RAX2: variants seen among roughly 807,000 people sequenced by gnomAD.
RAX2 encodes retina and anterior neural fold homeobox 2.
A neutral mutation model predicts 5.8 loss-of-function variants in RAX2; 4 were observed. The observed-to-expected ratio is 0.69, with a 90% CI of 0.34 to 1.58. The LOEUF is 1.58. RAX2 is among the 40% of genes most tolerant of loss of function. The pLI, the probability that RAX2 is intolerant of heterozygous loss-of-function variation, is 0.05. For missense variants in RAX2, 275 were observed against 271.4 expected (o/e 1.01, Z -0.09); for synonymous variants, 133 against 128.8 (o/e 1.03, Z -0.22).
chr19:3,770,763 G>GGGCCCA lies in RAX2; in HGVS notation c.407_412dup (p.Leu136_Gly137dup). 2 of 1,528,942 alleles carry GGGCCCA rather than the reference G, an allele frequency of 1.3e-6. No homozygotes were observed. Among genetic ancestry groups the GGGCCCA allele is most frequent in the Non-Finnish European group, 1.7e-6 (2 of 1,143,716 alleles). The allele number at this position is 1,528,942 out of a possible 1,614,324, so 94.7% of individuals were successfully genotyped here. On this transcript the variant is annotated inframe_insertion, in exon 3 of 3. Transcript: ENST00000555633. ...GAAGGACGCTTGCAGCCCCGGGCCC[G>GGGCCCA]GGCCCAGGAGGCGGGGGAGGCCTGG...
Position 3,771,457 on chromosome 19 carries a change from G to C in RAX2, c.216+70C>G. 1.6e-6 allele frequency: 2 copies of C among 1,265,850 alleles called. No homozygotes were observed. Among genetic ancestry groups the C allele is most frequent in the East Asian group, 2.5e-5 (1 of 39,662 alleles). The allele number at this position is 1,265,850 out of a possible 1,614,324, so 78.4% of individuals were successfully genotyped here. ...AGCTTCTCTTCTGCTGTTGCTCCGG[G>C]AGGGTCAGGATCTTGCTTTGCCTCC... On this transcript the variant is annotated intron_variant, in intron 2 of 2. Transcript: ENST00000555633. This position sits in a 1 kb window ranked among gnomAD's most constrained non-coding sequence, Gnocchi z 4.2.
At position 3,771,794 on chromosome 19, in the gene RAX2, G is replaced by T. The variant is rs755985251; in HGVS notation, c.-52C>A. The T allele has an allele frequency of 1.3e-6, 2 of 1,526,064 alleles. No individual in the cohort carries two copies. Among genetic ancestry groups the T allele is most frequent in the Non-Finnish European group, 1.8e-6 (2 of 1,137,896 alleles). The allele number at this position is 1,526,064 out of a possible 1,614,324, so 94.5% of individuals were successfully genotyped here. A position where few individuals can be genotyped will look rare whatever the true frequency, so the allele number is the denominator to read the frequency against. On this transcript the variant is annotated 5_prime_UTR_variant, in exon 2 of 3. Coordinates refer to ENST00000555633, the MANE Select transcript of RAX2 (RefSeq NM_001319074.4). The surrounding 1 kb of genome is among the most constrained non-coding windows in gnomAD (Gnocchi z 4.2). The stretch of plus-strand genomic sequence containing the variant: ...GGACAGATGGTGGGGAGACGGCTGG[G>T]GGGGCTACCGGCAGGGACAGGGCAG...
rs2037271944 is a variant in RAX2 at position 3,772,039 on chromosome 19, G to T, written c.-268-29C>A. 3.4e-5 allele frequency: 17 copies of T among 503,682 alleles called. No homozygotes were observed. In the South Asian group the frequency reaches 3.4e-4, roughly 10 times the overall value. 31.2% of individuals were successfully genotyped at this position (503,682 alleles called of 1,614,324 possible). ...TGTGTGTGTGTGTCGGCGGGGGGGG[G>T]TCAAGGATGCCCCCCCGTCAAGGAA... On this transcript the variant is annotated intron_variant, in intron 1 of 2. Coordinates refer to ENST00000555633, the MANE Select transcript of RAX2 (RefSeq NM_001319074.4).
At position 3,770,452 on chromosome 19, in the gene RAX2, C is replaced by T. The variant is rs897149979; in HGVS notation, c.*169G>A. 18 of 599,914 alleles carry T rather than the reference C, an allele frequency of 3.0e-5. No homozygotes were observed. Among genetic ancestry groups the T allele is most frequent in the Admixed American group, 9.8e-5 (3 of 30,748 alleles). 37.2% of individuals were successfully genotyped at this position (599,914 alleles called of 1,614,324 possible). On this transcript the variant is annotated 3_prime_UTR_variant, in exon 3 of 3. Coordinates refer to ENST00000555633, the MANE Select transcript of RAX2 (RefSeq NM_001319074.4). ...GATGGGGTGGGAGACGGGATGGGGG[C>T]AGGGAACCCAGCAGCCTGTCTCTCT...
In RAX2 at chr19:3,770,587, T is replaced by TGGGCCGAGGAGGG; in HGVS notation, c.*21_*33dup. The TGGGCCGAGGAGGG allele has an allele frequency of 6.6e-7, 1 of 1,520,104 alleles. No homozygotes were observed. The allele number at this position is 1,520,104 out of a possible 1,614,324, so 94.2% of individuals were successfully genotyped here. A position where few individuals can be genotyped will look rare whatever the true frequency, so the allele number is the denominator to read the frequency against. On this transcript the variant is annotated 3_prime_UTR_variant, in exon 3 of 3. Coordinates refer to ENST00000555633, the MANE Select transcript of RAX2 (RefSeq NM_001319074.4). ...CAGGGCACGTCCCCGGTTCTCGGGT[T>TGGGCCGAGGAGGG]GGGCCGAGGAGGGGGCCCGGGAGGG...
In RAX2 at chr19:3,770,924, G is replaced by T. The variant is rs2037250863; in HGVS notation, c.252C>A (p.Arg84=). Residue 84 remains arginine (R), a synonymous_variant, in exon 3 of 3, where the codon CGC becomes CGA. Coordinates refer to ENST00000555633, the MANE Select transcript of RAX2 (RefSeq NM_001319074.4). Reference sequence around the variant, plus strand: ...CCGAGCCTGACTCCAGCCGCTCCTGGCGGCGCCACTTGGCCCGGCGGTTCT... The same window carrying T: ...CCGAGCCTGACTCCAGCCGCTCCTGTCGGCGCCACTTGGCCCGGCGGTTCT... ...WFQNRRAKWR[R]QERLESGSGA... 8 of 1,560,918 alleles carry T rather than the reference G, an allele frequency of 5.1e-6. No homozygotes were observed. The highest frequency in any genetic ancestry group is 6.9e-6 in the Non-Finnish European group (8 of 1,160,804).
At position 3,770,318 on chromosome 19, in the gene RAX2, G is replaced by C. The variant is rs1426473530; in HGVS notation, c.*303C>G. 2 of 458,162 alleles carry C rather than the reference G, an allele frequency of 4.4e-6. No homozygotes were observed. The highest frequency in any genetic ancestry group is 7.9e-5 in the Admixed American group (2 of 25,162). 28.4% of individuals were successfully genotyped at this position (458,162 alleles called of 1,614,324 possible). ...GCCCCCACGCCCAATTAACAGACAG[G>C]AGACTGAGGCCCCAGGAGGGGAGGA... On this transcript the variant is annotated 3_prime_UTR_variant, in exon 3 of 3. Transcript: ENST00000555633.
chr19:3,770,335 A>G lies in RAX2; in HGVS notation c.*286T>C. The stretch of plus-strand genomic sequence containing the variant: ...ACAGACAGGAGACTGAGGCCCCAGG[A>G]GGGGAGGAGGTCCCCGCACCTGGCC... On this transcript the variant is annotated 3_prime_UTR_variant, in exon 3 of 3. Transcript: ENST00000555633. The G allele has an allele frequency of 2.1e-6, 1 of 480,694 alleles. No homozygotes were observed. 29.8% of individuals were successfully genotyped at this position (480,694 alleles called of 1,614,324 possible).
Position 3,771,458 on chromosome 19 carries a change from A to C in RAX2, c.216+69T>G. The C allele has an allele frequency of 7.9e-7, 1 of 1,265,600 alleles. No individual in the cohort carries two copies. The allele number at this position is 1,265,600 out of a possible 1,614,324, so 78.4% of individuals were successfully genotyped here. A position where few individuals can be genotyped will look rare whatever the true frequency, so the allele number is the denominator to read the frequency against. The stretch of plus-strand genomic sequence containing the variant: ...GCTTCTCTTCTGCTGTTGCTCCGGG[A>C]GGGTCAGGATCTTGCTTTGCCTCCC... On this transcript the variant is annotated intron_variant, in intron 2 of 2. Coordinates refer to ENST00000555633, the MANE Select transcript of RAX2 (RefSeq NM_001319074.4). This position sits in a 1 kb window ranked among gnomAD's most constrained non-coding sequence, Gnocchi z 4.2.
chr19:3,769,132 G>C lies in RAX2; in HGVS notation c.*1489C>G, dbSNP rs1326759579. On this transcript the variant is annotated 3_prime_UTR_variant, in exon 3 of 3. Transcript: ENST00000555633. Reference sequence around the variant, plus strand: ...TTTTATTTGTATTGAGTCAGGGTCTGGCTCTGTTGCACAGGCTGGAGTGCA... The same window carrying C: ...TTTTATTTGTATTGAGTCAGGGTCTCGCTCTGTTGCACAGGCTGGAGTGCA... 6.6e-6 allele frequency: 1 copy of C among 152,218 alleles called. No individual in the cohort carries two copies. Among genetic ancestry groups the C allele is most frequent in the African/African-American group, 2.4e-5 (1 of 41,424 alleles). The allele number at this position is 152,218 out of a possible 1,614,324, so 9.4% of individuals were successfully genotyped here. A position where few individuals can be genotyped will look rare whatever the true frequency, so the allele number is the denominator to read the frequency against.
Position 3,771,426 on chromosome 19 carries a change from C to A in RAX2, c.216+101G>T. On this transcript the variant is annotated intron_variant, in intron 2 of 2. Transcript: ENST00000555633. This position sits in a 1 kb window ranked among gnomAD's most constrained non-coding sequence, Gnocchi z 4.2. Reference sequence around the variant, plus strand: ...TCCCACACCCCCTCCTCCAGGAAGCCTTCCTAGCTTCTCTTCTGCTGTTGC... The same window carrying A: ...TCCCACACCCCCTCCTCCAGGAAGCATTCCTAGCTTCTCTTCTGCTGTTGC... 3.1e-6 allele frequency: 3 copies of A among 979,182 alleles called. No homozygotes were observed. The highest frequency in any genetic ancestry group is 2.8e-5 in the South Asian group (2 of 71,886). The allele number at this position is 979,182 out of a possible 1,614,324, so 60.7% of individuals were successfully genotyped here.
At position 3,771,049 on chromosome 19, in the gene RAX2, G is replaced by T; in HGVS notation, c.217-90C>A. ...CCCCTCTGCACACCCCAGCCCTGGG[G>T]GTTCTGACTCCCGTCTGACCCGACT... On this transcript the variant is annotated intron_variant, in intron 2 of 2. Transcript: ENST00000555633. This position sits in a 1 kb window ranked among gnomAD's most constrained non-coding sequence, Gnocchi z 4.2. 4 of 1,024,386 alleles carry T rather than the reference G, an allele frequency of 3.9e-6. No homozygotes were observed. The South Asian group carries it at 4.1e-5, about 10-fold the overall frequency. 63.5% of individuals were successfully genotyped at this position (1,024,386 alleles called of 1,614,324 possible). A position where few individuals can be genotyped will look rare whatever the true frequency, so the allele number is the denominator to read the frequency against.
In RAX2 at chr19:3,770,848, G is replaced by T. The variant is rs777949969; in HGVS notation, c.328C>A (p.Arg110Ser). ...AGGGGCAGCGACATGGCCGGGGGGC[G>T]GGCGAACGGCAGCGCTGGGGCCTCG... ...LPEAPALPFA[R>S]PPAMSLPLEP... The change falls in exon 3 of 3, where the codon CGC (arginine) becomes AGC (serine). Residue 110 changes from arginine to serine, a missense_variant. Physicochemically the swap from Arg to Ser is moderately radical, Grantham distance 110. Transcript: ENST00000555633. The T allele has an allele frequency of 1.1e-5, 17 of 1,527,952 alleles. No homozygotes were observed. Among genetic ancestry groups the T allele is most frequent in the Non-Finnish European group, 1.5e-5 (17 of 1,143,088 alleles). The allele number at this position is 1,527,952 out of a possible 1,614,324, so 94.6% of individuals were successfully genotyped here. A position where few individuals can be genotyped will look rare whatever the true frequency, so the allele number is the denominator to read the frequency against.
rs1177076931 is a variant in RAX2, at chr19:3,770,448, G to A, written c.*173C>T. On this transcript the variant is annotated 3_prime_UTR_variant, in exon 3 of 3. Coordinates refer to ENST00000555633, the MANE Select transcript of RAX2 (RefSeq NM_001319074.4). ...TGGCGATGGGGTGGGAGACGGGATGGGGGCAGGGAACCCAGCAGCCTGTCT... is the reference window on the plus strand; with the variant it reads ...TGGCGATGGGGTGGGAGACGGGATGAGGGCAGGGAACCCAGCAGCCTGTCT... The A allele has an allele frequency of 5.1e-6, 3 of 593,160 alleles. No individual in the cohort carries two copies. Among genetic ancestry groups the A allele is most frequent in the African/African-American group, 3.9e-5 (2 of 50,770 alleles). The allele number at this position is 593,160 out of a possible 1,614,324, so 36.7% of individuals were successfully genotyped here.
In RAX2 at chr19:3,770,676, C is replaced by T. The variant is rs202103390; in HGVS notation, c.500G>A (p.Arg167Gln). ...DGFALEEASL[R>Q]LLAKEHAQAL... ...CTGTGCATGTTCCTTGGCCAGCAGC[C>T]GCAGGGACGCCTCCTCCAGGGCGAA... The change falls in exon 3 of 3, where the codon CGG (arginine) becomes CAG (glutamine). Residue 167 changes from arginine (R) to glutamine (Q), a missense_variant. Physicochemically the swap from Arg to Gln is conservative, Grantham distance 43 (BLOSUM62 1). Transcript: ENST00000555633. 5.9e-5 allele frequency: 90 copies of T among 1,535,436 alleles called. No homozygotes were observed. The highest frequency in any genetic ancestry group is 7.0e-5 in the Non-Finnish European group (80 of 1,146,470).
chr19:3,772,190 C>T lies in RAX2; in HGVS notation c.-296G>A, dbSNP rs1306578133. On this transcript the variant is annotated 5_prime_UTR_variant, in exon 1 of 3. Coordinates refer to ENST00000555633, the MANE Select transcript of RAX2 (RefSeq NM_001319074.4). ...CCCACGGCAGCCCCTCCGTCGATTT[C>T]CACGGGACACCTGCCCCAGCGGGCC... is the stretch of plus-strand genomic sequence containing the variant. The T allele has an allele frequency of 4.4e-6, 2 of 455,756 alleles. No individual in the cohort carries two copies. The highest frequency in any genetic ancestry group is 2.4e-5 in the Admixed American group (1 of 42,228). The allele number at this position is 455,756 out of a possible 1,614,324, so 28.2% of individuals were successfully genotyped here.
At position 3,770,840 on chromosome 19, in the gene RAX2, C is replaced by CG. The variant is rs1230788366; in HGVS notation, c.335dup (p.Ala113GlyfsTer178). On this transcript the variant is annotated frameshift_variant, in exon 3 of 3. Transcript: ENST00000555633. LOFTEE classifies it low-confidence loss of function (END_TRUNC). ...AGGGCTCCAGGGGCAGCGACATGGCCGGGGGGCGGGCGAACGGCAGCGCTG... is the reference window on the plus strand; with the variant it reads ...AGGGCTCCAGGGGCAGCGACATGGCCGGGGGGGCGGGCGAACGGCAGCGCTG... 37 of 1,526,918 alleles carry CG rather than the reference C, an allele frequency of 2.4e-5. No homozygotes were observed. Among genetic ancestry groups the CG allele is most frequent in the Non-Finnish European group, 3.2e-5 (36 of 1,142,592 alleles). 94.6% of individuals were successfully genotyped at this position (1,526,918 alleles called of 1,614,324 possible). A position where few individuals can be genotyped will look rare whatever the true frequency, so the allele number is the denominator to read the frequency against.
At position 3,771,574 on chromosome 19, in the gene RAX2, G is replaced by A. The variant is rs765285304; in HGVS notation, c.169C>T (p.Arg57Cys). ...EASHYPDVYS[R>C]EELAAKVHLP... is the part of the protein sequence containing the mutation. ...TGCACCTTGGCTGCCAGCTCCTCAC[G>A]GCTGTACACATCCGGGTAGTGAGAG... The change falls in exon 2 of 3, where the codon CGT becomes TGT. Residue 57 changes from arginine to cysteine, a missense_variant. Coordinates refer to ENST00000555633, the MANE Select transcript of RAX2 (RefSeq NM_001319074.4). This position sits in a 1 kb window ranked among gnomAD's most constrained non-coding sequence, Gnocchi z 4.2. 20 of 1,610,636 alleles carry A rather than the reference G, an allele frequency of 1.2e-5. No individual in the cohort carries two copies. The Admixed American group carries it at 1.3e-4, about 11-fold the overall frequency.
Position 3,770,971 on chromosome 19 carries a change from G to T in RAX2, c.217-12C>A, listed in dbSNP as rs530784939. On this transcript the variant is annotated splice_polypyrimidine_tract_variant and intron_variant, in intron 2 of 2. Transcript: ENST00000555633. ...TTCTGGAACCACACCTGGAGGGTGC[G>T]AGAGGGAAGGGGGGTTGCTGTGAGC... is the stretch of plus-strand genomic sequence containing the variant. The T allele has an allele frequency of 1.0e-5, 16 of 1,544,298 alleles. No homozygotes were observed. In the African/African-American group the frequency reaches 1.9e-4, roughly 18 times the overall value.
Sources: allele counts gnomAD v4.1 joint callset, GRCh38; gene constraint gnomAD v4.1.1; non-coding constraint Gnocchi (gnomAD v3.1); transcripts MANE v1.5; gene names NCBI Gene and HGNC (gene_info 2026-07-23, HGNC 2026-07-21).